The following DCHS2 variants were observed in gnomAD, a reference collection of about 807,000 sequenced individuals.
The protein encoded by DCHS2 is protocadherin-23.
A neutral mutation model predicts 182.4 loss-of-function variants in DCHS2; 142 were observed. The observed-to-expected ratio is 0.78, with a 90% CI of 0.68 to 0.89. DCHS2 has a LOEUF of 0.89. Among genes scored for constraint, DCHS2 ranks in the 40% least tolerant of loss-of-function variants. The pLI is 0.00. For synonymous variants in DCHS2, 1,740 were observed against 1,663.3 expected (o/e 1.05, Z -1.12); for missense variants, 4,319 against 4,198.6 (o/e 1.03, Z -0.79).
At chr4:154,267,649 T>G (rs940959450) in intron 14 of DCHS2, among the ~76,000 whole-genome samples, 2 of 152,234 alleles carry the variant, frequency 1.3e-5, no homozygotes, top group African/African-American at 4.8e-5. Flanking sequence ...CTCCATGTTT[T>G]ATGCCCTGGT....
At chr4:154,283,762 A>G (rs1422162249) in intron 13 of DCHS2, among the ~76,000 whole-genome samples, 1 of 152,180 alleles carries the variant, frequency 6.6e-6, no homozygotes, top group Non-Finnish European at 1.5e-5. Context: ...TCAGTGTTGG[A>G]TCAGAGTCAA....
At chr4:154,258,987 A>G (rs1732839392) in intron 15 of DCHS2, among the ~76,000 whole-genome samples, 3 of 151,988 alleles carry the variant, frequency 2.0e-5, no homozygotes, top group Non-Finnish European at 4.4e-5. Flanking sequence ...GAAAGATGAA[A>G]CAAGCACTTG....
chr4:154,384,297 C>T (rs536076422), intron 1 of DCHS2: 18 of 1,565,388 alleles, frequency 1.1e-5, no homozygotes, highest in Admixed American at 2.1e-5. Context: ...TCATTGCCTC[C>T]TTATTGAAAC....
intron 3 of DCHS2, among the ~76,000 whole-genome samples, chr4:154,339,182 G>C (rs1020865548): frequency 6.6e-6 from 1 of 152,190 alleles, no homozygotes; most frequent in African/African-American, 2.4e-5. Context: ...TGAGAGCCAG[G>C]AGCACTGAGG....
In DCHS2 at chr4:154,255,598, C is replaced by A. The variant is rs772874042; in HGVS notation, c.6862G>T (p.Glu2288Ter). The A allele has an allele frequency of 4.5e-5, 73 of 1,613,908 alleles. No individual in the cohort carries two copies. Among genetic ancestry groups the A allele is most frequent in the Middle Eastern group, 1.6e-4 (1 of 6,082 alleles). Reference protein sequence around the residue: ...EYSILSGNQEEAFQIDALSGV... With the variant: ...EYSILSGNQE ...CTCAGTGCATCAATCTGGAATGCTTCTTCTTGGTTGCCAGACAGAATAGAA... is the reference window on the plus strand; with the variant it reads ...CTCAGTGCATCAATCTGGAATGCTTATTCTTGGTTGCCAGACAGAATAGAA... Residue 2288 changes from glutamate (E) to a stop codon, truncating the protein, a stop_gained, in exon 16 of 20, where the codon GAA becomes TAA. Coordinates refer to ENST00000357232, the MANE Select transcript of DCHS2 (RefSeq NM_001358235.2). LOFTEE classifies it high-confidence loss of function.
chr4:154,344,947 G>A (rs977468029), intron 3 of DCHS2, among the ~76,000 whole-genome samples: 1 of 152,200 alleles, frequency 6.6e-6, no homozygotes, highest in Non-Finnish European at 1.5e-5. Flanking sequence ...ATAGCTGATG[G>A]TGGCATTTCT....
chr4:154,449,212 C>T (rs1322553020), intron 1 of DCHS2, among the ~76,000 whole-genome samples: 1 of 71,374 alleles, frequency 1.4e-5, no homozygotes, highest in East Asian at 1.1e-3. Flanking sequence ...TAAATATCCC[C>T]AAAATTGAAA....
intron 3 of DCHS2, among the ~76,000 whole-genome samples, chr4:154,349,506 C>T (rs1257879139): frequency 6.6e-6 from 1 of 152,248 alleles, no homozygotes; most frequent in Non-Finnish European, 1.5e-5. Flanking sequence ...TTATGATTTA[C>T]AGACTGTGTT....
chr4:154,255,602 T>C lies in DCHS2; in HGVS notation c.6858A>G (p.Gln2286=), dbSNP rs1228849534. 6.2e-7 allele frequency: 1 copy of C among 1,614,082 alleles called. No homozygotes were observed. The highest frequency in any genetic ancestry group is 1.1e-5 in the South Asian group (1 of 91,074). ...LIEYSILSGN[Q]EEAFQIDALS... The stretch of plus-strand genomic sequence containing the variant: ...GTGCATCAATCTGGAATGCTTCTTC[T>C]TGGTTGCCAGACAGAATAGAATACT... The change falls in exon 16 of 20, where the codon CAA becomes CAG. Residue 2286 remains glutamine (Q), a synonymous_variant. Coordinates refer to ENST00000357232, the MANE Select transcript of DCHS2 (RefSeq NM_001358235.2).
chr4:154,379,885 C>G (rs1042682221), intron 1 of DCHS2, among the ~76,000 whole-genome samples: 2 of 152,088 alleles, frequency 1.3e-5, no homozygotes, highest in Non-Finnish European at 2.9e-5. Flanking sequence ...AGTAGTCTAG[C>G]TTAGTGGTTC....
At chr4:154,264,946 G>A (rs1444526359) in intron 14 of DCHS2, among the ~76,000 whole-genome samples, 2 of 152,122 alleles carry the variant, frequency 1.3e-5, no homozygotes, top group Admixed American at 6.5e-5. Flanking sequence ...GGAGCACTTC[G>A]AGATCAGTAA....
chr4:154,267,794 C>T lies in DCHS2; in HGVS notation c.6577+2106G>A, dbSNP rs78805896. Among the ~76,000 whole-genome samples the T allele has an allele frequency of 9.7e-3, 1,473 of 152,246 alleles. 27 individuals carry two copies. The highest frequency in any genetic ancestry group is 0.034 in the African/African-American group (1,406 of 41,544). ...AACATCTTCAGAAATGCGGCAGCAC[C>T]TTCTTTGTTGGCAGATGCAGCCTCT... On this transcript the variant is annotated intron_variant, in intron 14 of 19. Coordinates refer to ENST00000357232, the MANE Select transcript of DCHS2 (RefSeq NM_001358235.2).
intron 10 of DCHS2, among the ~76,000 whole-genome samples, chr4:154,314,761 T>C (rs959951591): frequency 2.0e-5 from 3 of 152,188 alleles, no homozygotes; most frequent in Non-Finnish European, 4.4e-5. Context: ...ATTTGCTATA[T>C]ACAAACGTAA....
In DCHS2 at chr4:154,366,352, C is replaced by A; in HGVS notation, c.2334G>T (p.Thr778=). The A allele has an allele frequency of 4.3e-6, 7 of 1,613,808 alleles. No individual in the cohort carries two copies. The highest frequency in any genetic ancestry group is 5.1e-6 in the Non-Finnish European group (6 of 1,179,898). Residue 778 remains threonine (T), a synonymous_variant, in exon 3 of 20, where the codon ACG becomes ACT. Transcript: ENST00000357232. ...CTGGCTGGGTCTCATCACTGATGCT[C>A]GTCACATAGGTTGATGGGTTAAACA... is the stretch of plus-strand genomic sequence containing the variant. ...HPVFNPSTYV[T]SISDETQPGT... is the part of the protein sequence containing the mutation.
Position 154,240,758 on chromosome 4 carries a change from T to A in DCHS2, c.7138A>T (p.Ile2380Leu), listed in dbSNP as rs763503191. The A allele has an allele frequency of 1.9e-5, 30 of 1,613,822 alleles. 1 individual carries two copies. The South Asian group carries it at 3.3e-4, about 18-fold the overall frequency. ...VHDVDLNSAF[I>L]FSFAKESNPG... Reference sequence around the variant, plus strand: ...TTACTCTCTTTGGCAAAACTGAATATGAAAGCTGAATTCAAATCCACATCA... The same window carrying A: ...TTACTCTCTTTGGCAAAACTGAATAAGAAAGCTGAATTCAAATCCACATCA... The change falls in exon 18 of 20, where the codon ATA (isoleucine) becomes TTA (leucine). Residue 2380 changes from isoleucine to leucine, a missense_variant. Physicochemically the swap from Ile to Leu is conservative, Grantham distance 5 (BLOSUM62 2). Transcript: ENST00000357232.
chr4:154,431,348 CTT>C (rs549809782), intron 1 of DCHS2, among the ~76,000 whole-genome samples: 261 of 152,198 alleles, frequency 1.7e-3, no homozygotes, highest in Non-Finnish European at 3.1e-3. Context: ...AAACATAAAA[CTT>C]ATATCATAAG....
chr4:154,252,921 G>A (rs1270368301), intron 16 of DCHS2, among the ~76,000 whole-genome samples: 3 of 151,958 alleles, frequency 2.0e-5, no homozygotes, highest in Non-Finnish European at 2.9e-5. Context: ...TACTTTCCTC[G>A]ATCAGACAAA....
In DCHS2 at chr4:154,321,212, A is replaced by T; in HGVS notation, c.4187T>A (p.Leu1396Gln). 1 of 1,520,546 alleles carries T rather than the reference A, an allele frequency of 6.6e-7. No homozygotes were observed. Among genetic ancestry groups the T allele is most frequent in the Non-Finnish European group, 8.8e-7 (1 of 1,133,888 alleles). 94.2% of individuals were successfully genotyped at this position (1,520,546 alleles called of 1,614,324 possible). ...QAVVNIQVIP[L>Q]SKGRAIMSQN... ...AGACATGATTGCTCTCCCTTTGGATAGTGGGATCACCTGAAATACGAATAA... is the reference window on the plus strand; with the variant it reads ...AGACATGATTGCTCTCCCTTTGGATTGTGGGATCACCTGAAATACGAATAA... Residue 1396 changes from leucine (L) to glutamine (Q), a missense_variant, in exon 9 of 20, where the codon CTA becomes CAA. Transcript: ENST00000357232.
At chr4:154,424,836 A>T (rs1733256303) in intron 1 of DCHS2, among the ~76,000 whole-genome samples, 1 of 152,114 alleles carries the variant, frequency 6.6e-6, no homozygotes, top group Non-Finnish European at 1.5e-5. Flanking sequence ...AATTCTGTGC[A>T]CTCCTCTATC....
Sources: gnomAD v4.1 joint callset for allele counts (sites outside exome capture counted in the v4.1 genomes callset) on GRCh38, gnomAD v4.1.1 for gene constraint, MANE v1.5 for transcripts, NCBI Gene and HGNC (gene_info 2026-07-23, HGNC 2026-07-21) for gene names.